Variants in SEM1 observed in about 807,000 individuals in gnomAD.
The protein encoded by SEM1 is 26S proteasome complex subunit SEM1.
Under a neutral mutation model 12.7 loss-of-function variants are expected in SEM1, and 3 were observed. That is an observed-to-expected ratio of 0.24 (90% CI 0.11 to 0.61). The LOEUF is 0.61. Ranked by LOEUF, SEM1 falls within the 20% of genes least tolerant of loss-of-function variation. The probability of loss-of-function intolerance (pLI) is 0.88; values close to 1 mark genes in which losing one functional copy is unlikely to be tolerated. For synonymous variants in SEM1, 30 were observed against 27.8 expected (o/e 1.08, Z -0.25); for missense variants, 59 against 81.3 (o/e 0.73, Z 1.06).
chr7:96,704,646 T>A (rs777619920), intron 1 of SEM1, among the ~76,000 whole-genome samples: 21 of 152,224 alleles, frequency 1.4e-4, no homozygotes, highest in Non-Finnish European at 2.8e-4. Flanking sequence ...TTTAGTAACA[T>A]GAGTTCTCCA....
intron 2 of SEM1, among the ~76,000 whole-genome samples, chr7:96,530,986 A>G (rs1434539311): frequency 6.6e-6 from 1 of 152,124 alleles, no homozygotes; most frequent in Non-Finnish European, 1.5e-5. Context: ...CGCCATGCCC[A>G]AAACAATCAA....
intron 2 of SEM1, among the ~76,000 whole-genome samples, chr7:96,660,724 T>C (rs537724665): frequency 6.6e-6 from 1 of 152,244 alleles, no homozygotes; most frequent in South Asian, 2.1e-4. Context: ...CTCAATTTAA[T>C]GAACATCTAA....
At chr7:96,528,855 A>T (rs1804549793) in intron 2 of SEM1, among the ~76,000 whole-genome samples, 3 of 152,112 alleles carry the variant, frequency 2.0e-5, no homozygotes, top group Admixed American at 1.3e-4. Flanking sequence ...GCAGCATACT[A>T]CCACCGTGGC....
At chr7:96,498,375 GTC>G (rs1485883907), upstream of SEM1, among the ~76,000 whole-genome samples, 1 of 70,616 alleles carries the variant, frequency 1.4e-5, no homozygotes, top group Non-Finnish European at 2.6e-5. Flanking sequence ...GTGCACGTGT[GTC>G]TGTGTAAGTG....
intron 2 of SEM1, among the ~76,000 whole-genome samples, chr7:96,554,398 A>C (rs905150572): frequency 9.5e-5 from 13 of 136,422 alleles, no homozygotes; most frequent in African/African-American, 3.5e-4. Flanking sequence ...GAGAGTTTTT[A>C]GCATGAAGGG....
intron 2 of SEM1, among the ~76,000 whole-genome samples, chr7:96,553,254 C>T (rs1162749985): frequency 6.6e-6 from 1 of 151,266 alleles, no homozygotes; most frequent in Non-Finnish European, 1.5e-5. Flanking sequence ...GTGTTTTAGA[C>T]ATGAAGTCCT....
chr7:96,674,384 T>A (rs1789400319), intron 2 of SEM1, among the ~76,000 whole-genome samples: 1 of 152,152 alleles, frequency 6.6e-6, no homozygotes, highest in South Asian at 2.1e-4. Context: ...CTGGGTGCGG[T>A]GGCTCACACC....
chr7:96,536,862 C>G (rs908608093), intron 2 of SEM1, among the ~76,000 whole-genome samples: 29 of 151,806 alleles, frequency 1.9e-4, no homozygotes, highest in African/African-American at 7.0e-4. Flanking sequence ...TTTTCAAACA[C>G]TCTTAACAAT....
At chr7:96,672,666 GGATAAAC>G (rs1384286353), downstream of SEM1, 4 of 152,112 alleles carry the variant, frequency 2.6e-5, no homozygotes, top group African/African-American at 7.2e-5. Context: ...CTGATTCTTA[GGATAAAC>G]ACTAACTCCA....
upstream of SEM1, among the ~76,000 whole-genome samples, chr7:96,500,765 G>A (rs75685137): frequency 9.1e-3 from 1,379 of 152,156 alleles, 19 homozygotes; most frequent in African/African-American, 0.031. Flanking sequence ...GCTTCTTCTC[G>A]TATCCTGTAG....
At chr7:96,674,664 C>T (rs1191227313) in intron 2 of SEM1, among the ~76,000 whole-genome samples, 1 of 151,978 alleles carries the variant, frequency 6.6e-6, no homozygotes, top group Non-Finnish European at 1.5e-5. Flanking sequence ...AAGACCCTGT[C>T]TCAAAATAAA....
chr7:96,677,955 C>G (rs761966130), intron 2 of SEM1, among the ~76,000 whole-genome samples: 6 of 152,184 alleles, frequency 3.9e-5, no homozygotes, highest in Non-Finnish European at 8.8e-5. Context: ...ACAATCATCA[C>G]ATAAAGCACA....
chr7:96,483,836 C>G (rs528301325), exon 4 of SEM1: 6 of 1,536,268 alleles, frequency 3.9e-6, no homozygotes, highest in African/African-American at 1.4e-5. Context: ...GACCAGACTT[C>G]CATCTCTGCT....
chr7:96,501,645 T>C (rs1391513881), intron 3 of SEM1, among the ~76,000 whole-genome samples: 2 of 152,218 alleles, frequency 1.3e-5, no homozygotes, highest in African/African-American at 2.4e-5. Flanking sequence ...GTTTAGTAAG[T>C]ACATAATAGC....
chr7:96,541,580 T>C (rs112934233), intron 2 of SEM1, among the ~76,000 whole-genome samples: 4,921 of 151,764 alleles, frequency 0.032, 262 homozygotes, highest in African/African-American at 0.11. Context: ...TTTCTCTTGT[T>C]GTGCAGAAGC....
chr7:96,530,745 T>C (rs903615705), intron 2 of SEM1, among the ~76,000 whole-genome samples: 2 of 152,088 alleles, frequency 1.3e-5, no homozygotes, highest in Non-Finnish European at 1.5e-5. Context: ...TGATCCATTA[T>C]AGTGCCTGTA....
At chr7:96,599,247 T>TTC (rs35192987) in intron 2 of SEM1, among the ~76,000 whole-genome samples, 129 of 150,368 alleles carry the variant, frequency 8.6e-4, no homozygotes, top group African/African-American at 2.5e-3. Context: ...TTTTTTGCCT[T>TTC]TCTCTCTCTC....
chr7:96,675,342 G>C (rs980137158), intron 2 of SEM1, among the ~76,000 whole-genome samples: 1 of 151,898 alleles, frequency 6.6e-6, no homozygotes, highest in African/African-American at 2.4e-5. Context: ...CATCAGTTTC[G>C]CCGTCACTTC....
At chr7:96,700,040 A>T (rs1790222336) in intron 1 of SEM1, among the ~76,000 whole-genome samples, 2 of 152,214 alleles carry the variant, frequency 1.3e-5, no homozygotes. Flanking sequence ...ATCCCTAGGT[A>T]TAAAACTTAT....
Sources: gnomAD v4.1 joint callset for allele counts (sites outside exome capture counted in the v4.1 genomes callset) on GRCh38, gnomAD v4.1.1 for gene constraint, MANE v1.5 for transcripts, NCBI Gene and HGNC (gene_info 2026-07-23, HGNC 2026-07-21) for gene names.